ITGB6: variants seen among roughly 807,000 people sequenced by gnomAD.
ITGB6 encodes integrin beta-6.
ITGB6 carries 80 observed loss-of-function variants against 84.5 expected under a neutral mutation model. The ratio of observed to expected loss-of-function variants is 0.95; its 90% CI spans 0.79 to 1.14. The LOEUF (loss-of-function observed/expected upper bound fraction) is 1.14, where lower values mean the gene tolerates loss of function less well. Among genes scored for constraint, ITGB6 ranks in the 50% most tolerant of loss-of-function variants. The probability of loss-of-function intolerance (pLI) is 0.00; values close to 1 mark genes in which losing one functional copy is unlikely to be tolerated. For synonymous variants in ITGB6, 383 were observed against 354.9 expected, an observed-to-expected ratio of 1.08 and a Z score of -0.89; for missense variants, 1,006 against 968.0, an observed-to-expected ratio of 1.04 and a Z score of -0.52.
At chr2:160,115,694 C>G (rs532346282) in intron 12 of ITGB6, among the ~76,000 whole-genome samples, 2 of 152,200 alleles carry the variant, frequency 1.3e-5, no homozygotes, top group South Asian at 4.2e-4. Context: ...GAAGAAGGCT[C>G]CAGACGATCA....
At chr2:160,164,631 G>A (rs1424006258) in intron 7 of ITGB6, among the ~76,000 whole-genome samples, 1 of 152,112 alleles carries the variant, frequency 6.6e-6, no homozygotes, top group Non-Finnish European at 1.5e-5. Context: ...GGGAGGCGGA[G>A]GGTGCAGTGA....
rs1685258980 is a variant in ITGB6, at chr2:160,172,686, A to G, written c.804T>C (p.Phe268=). 1 of 1,609,348 alleles carries G rather than the reference A, an allele frequency of 6.2e-7. No homozygotes were observed. The highest frequency in any genetic ancestry group is 8.5e-7 in the Non-Finnish European group (1 of 1,175,922). The part of the protein sequence containing the change: ...WRNDSLHLLV[F]VSDADSHFGM... ...CAAAATGAGAATCAGCATCACTCAC[A>G]AAGACCAGGAGGTGGAGGGAGTCAT... The change falls in exon 6 of 15, where the codon TTT becomes TTC. Residue 268 remains phenylalanine, a synonymous_variant. Coordinates refer to ENST00000283249, the MANE Select transcript of ITGB6 (RefSeq NM_000888.5).
intron 7 of ITGB6, among the ~76,000 whole-genome samples, chr2:160,160,026 G>C (rs1684760979): frequency 6.6e-6 from 1 of 152,170 alleles, no homozygotes; most frequent in Admixed American, 6.5e-5. Flanking sequence ...TTTGTAGAAT[G>C]AATGAACGAA....
intron 7 of ITGB6, among the ~76,000 whole-genome samples, chr2:160,161,112 G>A (rs1383783218): frequency 6.6e-6 from 1 of 152,120 alleles, no homozygotes; most frequent in African/African-American, 2.4e-5. Context: ...TGCAGTACTT[G>A]CTCAGGTTTT....
At position 160,137,613 on chromosome 2, in the gene ITGB6, T is replaced by C; in HGVS notation, c.1481A>G (p.Glu494Gly). ...GHMGPRCECG[E>G]DMLSTDSCKE... Reference sequence around the variant, plus strand: ...GCAGGAATCTGTGCTCAGCATGTCCTCGCCACACTCACAGCGAGGCCCCAT... The same window carrying C: ...GCAGGAATCTGTGCTCAGCATGTCCCCGCCACACTCACAGCGAGGCCCCAT... The change falls in exon 10 of 15, where the codon GAG becomes GGG. Residue 494 changes from glutamate to glycine, a missense_variant. By Grantham distance (98) the Glu-to-Gly change is moderately conservative (BLOSUM62 -2). Coordinates refer to ENST00000283249, the MANE Select transcript of ITGB6 (RefSeq NM_000888.5). The C allele has an allele frequency of 2.5e-6, 4 of 1,614,186 alleles. No homozygotes were observed. Among genetic ancestry groups the C allele is most frequent in the Non-Finnish European group, 3.4e-6 (4 of 1,180,032 alleles).
intron 13 of ITGB6, among the ~76,000 whole-genome samples, chr2:160,111,104 T>C (rs1682487267): frequency 7.7e-6 from 1 of 129,064 alleles, no homozygotes; most frequent in African/African-American, 3.5e-5. Context: ...AGCTCAGTAA[T>C]GAGGAGGCAT....
intron 4 of ITGB6, among the ~76,000 whole-genome samples, chr2:160,184,298 T>C (rs2105884566): frequency 1.3e-5 from 2 of 152,030 alleles, no homozygotes; most frequent in East Asian, 3.8e-4. Context: ...AAACAGGATA[T>C]CACCACTGAT....
At chr2:160,186,761 T>A (rs1031193688) in intron 4 of ITGB6, among the ~76,000 whole-genome samples, 1 of 152,258 alleles carries the variant, frequency 6.6e-6, no homozygotes, top group East Asian at 1.9e-4. Context: ...ATGGCACATA[T>A]ACACCATGGA....
chr2:160,147,852 C>T (rs906245420), intron 7 of ITGB6, among the ~76,000 whole-genome samples: 3 of 152,076 alleles, frequency 2.0e-5, no homozygotes, highest in Non-Finnish European at 2.9e-5. Context: ...ATGTAAAATG[C>T]AAAACCATAA....
intron 12 of ITGB6, among the ~76,000 whole-genome samples, chr2:160,121,311 A>G (rs956320286): frequency 1.3e-5 from 2 of 152,188 alleles, no homozygotes; most frequent in Non-Finnish European, 1.5e-5. Flanking sequence ...TGCACATTTA[A>G]TTTAAATGTA....
At chr2:160,150,041 T>C (rs570782783) in intron 7 of ITGB6, among the ~76,000 whole-genome samples, 6 of 152,278 alleles carry the variant, frequency 3.9e-5, no homozygotes, top group African/African-American at 1.4e-4. Flanking sequence ...CTGCAGGATA[T>C]TATCCAGGAG....
At chr2:160,177,520 C>A (rs1290951840) in intron 4 of ITGB6, among the ~76,000 whole-genome samples, 1 of 150,504 alleles carries the variant, frequency 6.6e-6, no homozygotes, top group Non-Finnish European at 1.5e-5. Context: ...GCAGTGAGCC[C>A]AGATCATGCC....
intron 4 of ITGB6, among the ~76,000 whole-genome samples, chr2:160,191,550 A>G (rs536431717): frequency 6.6e-6 from 1 of 152,334 alleles, no homozygotes; most frequent in East Asian, 1.9e-4. Flanking sequence ...ATGAAAAACC[A>G]CTAGCTAACA....
At chr2:160,133,117 G>A (rs1157437796) in intron 10 of ITGB6, among the ~76,000 whole-genome samples, 3 of 152,044 alleles carry the variant, frequency 2.0e-5, no homozygotes, top group Non-Finnish European at 4.4e-5. Flanking sequence ...TCAGTCAGTG[G>A]CAAATTGGAT....
intron 7 of ITGB6, among the ~76,000 whole-genome samples, chr2:160,165,016 TC>T (rs1435824346): frequency 6.6e-6 from 1 of 152,160 alleles, no homozygotes; most frequent in Non-Finnish European, 1.5e-5. Context: ...CAGTCTTTGT[TC>T]CCAGATACTA....
At chr2:160,165,612 AACTTACGTATGGTGGATAATTTCC>A (rs1684973285) in intron 7 of ITGB6, among the ~76,000 whole-genome samples, 2 of 152,350 alleles carry the variant, frequency 1.3e-5, no homozygotes, top group African/African-American at 4.8e-5. Flanking sequence ...GAAAAATGGA[AACTTACGTATGGTGGATAATTTCC>A]ACAAGCCACA....
intron 10 of ITGB6, among the ~76,000 whole-genome samples, chr2:160,135,590 T>C (rs1353295656): frequency 4.0e-5 from 6 of 151,608 alleles, no homozygotes; most frequent in Admixed American, 6.6e-5. Context: ...GAGCCCACAT[T>C]GCCAAGTCAA....
At chr2:160,114,385 C>T (rs1380166265) in intron 12 of ITGB6, among the ~76,000 whole-genome samples, 2 of 152,096 alleles carry the variant, frequency 1.3e-5, no homozygotes, top group South Asian at 2.1e-4. Flanking sequence ...CAGTGCTGCT[C>T]TAGAATAATA....
At chr2:160,189,543 G>A (rs1423436237) in intron 4 of ITGB6, among the ~76,000 whole-genome samples, 1 of 152,202 alleles carries the variant, frequency 6.6e-6, no homozygotes, top group Non-Finnish European at 1.5e-5. Context: ...AGTGGGCGAA[G>A]GATATGAACA....
Sources: gnomAD v4.1 joint callset for allele counts (sites outside exome capture counted in the v4.1 genomes callset) on GRCh38, gnomAD v4.1.1 for gene constraint, MANE v1.5 for transcripts, NCBI Gene and HGNC (gene_info 2026-07-23, HGNC 2026-07-21) for gene names.